ARID1B: variants seen among roughly 807,000 people sequenced by gnomAD.
ARID1B encodes AT-rich interaction domain 1B, also known as AT-rich interactive domain-containing protein 1B.
In ARID1B, 30 loss-of-function variants were observed where a neutral mutation model predicts 212.3. The observed-to-expected ratio is 0.14, with a 90% CI of 0.11 to 0.19. The LOEUF is 0.19. ARID1B is among the 10% of genes least tolerant of loss of function. The pLI is 1.00. For missense variants in ARID1B, 2,891 were observed against 3,204.0 expected (o/e 0.90, Z 2.36); for synonymous variants, 1,402 against 1,301.7 (o/e 1.08, Z -1.66).
intron 2 of ARID1B, among the ~76,000 whole-genome samples, chr6:156,877,523 C>T (rs1786658868): frequency 6.6e-6 from 1 of 152,118 alleles, no homozygotes; most frequent in Non-Finnish European, 1.5e-5. Context: ...ACGTGTCTCC[C>T]TATATTAAAA....
At chr6:156,897,982 A>C (rs1216898326) in intron 2 of ARID1B, among the ~76,000 whole-genome samples, 2 of 152,190 alleles carry the variant, frequency 1.3e-5, no homozygotes, top group Non-Finnish European at 2.9e-5. Context: ...TCTAGTGATG[A>C]GGACAGATAG....
chr6:156,905,250 G>GCGCACACACACACACACACACA lies in ARID1B; in HGVS notation c.2136+3726_2136+3727insGCACACACACACACACACACAC, dbSNP rs1554265935. ...GAATCAATTGTGCTCACATATGCAC[G>GCGCACACACACACACACACACA]CACACACACACACACACACACACAC... On this transcript the variant is annotated intron_variant, in intron 3 of 19. Coordinates refer to ENST00000636930, the MANE Select transcript of ARID1B (RefSeq NM_001374828.1). 2.7e-3 allele frequency among the ~76,000 whole-genome samples: 384 copies of GCGCACACACACACACACACACA among 143,828 alleles called. 2 individuals carry two copies. Among genetic ancestry groups the GCGCACACACACACACACACACA allele is most frequent in the Middle Eastern group, 0.021 (6 of 286 alleles). 94.4% of individuals were successfully genotyped at this position (143,828 alleles called of 152,430 possible). A position where few individuals can be genotyped will look rare whatever the true frequency, so the allele number is the denominator to read the frequency against.
At chr6:156,869,047 G>T (rs1785921642) in intron 2 of ARID1B, among the ~76,000 whole-genome samples, 1 of 151,456 alleles carries the variant, frequency 6.6e-6, no homozygotes, top group South Asian at 2.1e-4. Context: ...AAATGAATTT[G>T]TTTTTTTTGC....
At chr6:157,049,720 A>G (rs989262310) in intron 4 of ARID1B, among the ~76,000 whole-genome samples, 33 of 152,360 alleles carry the variant, frequency 2.2e-4, no homozygotes, top group African/African-American at 7.2e-4. Context: ...TATCTTATCC[A>G]TTAAATATCA....
intron 4 of ARID1B, among the ~76,000 whole-genome samples, chr6:156,963,873 AGCATGAACTAT>A (rs1383104632): frequency 1.3e-5 from 2 of 152,256 alleles, no homozygotes; most frequent in Non-Finnish European, 2.9e-5. Context: ...AATAATCTCT[AGCATGAACTAT>A]GCCCACGTGG....
Position 157,084,644 on chromosome 6 carries a change from C to T in ARID1B, c.2248-18C>T, listed in dbSNP as rs565074663. 1.9e-6 allele frequency: 3 copies of T among 1,612,794 alleles called. No individual in the cohort carries two copies. The highest frequency in any genetic ancestry group is 2.2e-5 in the South Asian group (2 of 90,938). On this transcript the variant is annotated intron_variant, in intron 4 of 19. Coordinates refer to ENST00000636930, the MANE Select transcript of ARID1B (RefSeq NM_001374828.1). Reference sequence around the variant, plus strand: ...ATCCAAACGTGTCACTCTATAAATACATCTTTTCCTTTCTTAGGATCTGTC... The same window carrying T: ...ATCCAAACGTGTCACTCTATAAATATATCTTTTCCTTTCTTAGGATCTGTC...
intron 4 of ARID1B, among the ~76,000 whole-genome samples, chr6:157,014,921 C>T (rs148788847): frequency 6.6e-6 from 1 of 152,050 alleles, no homozygotes; most frequent in African/African-American, 2.4e-5. Flanking sequence ...ATATGCCACT[C>T]TCCATCTTAT....
chr6:157,150,447 A>G (rs1790111040), intron 8 of ARID1B: 2 of 152,708 alleles, frequency 1.3e-5, no homozygotes, highest in Non-Finnish European at 2.9e-5. Context: ...TGGGGGCTGT[A>G]TATCTTCTTG....
chr6:157,036,686 C>CA, intron 4 of ARID1B: 1 of 370,162 alleles, frequency 2.7e-6, no homozygotes, highest in South Asian at 2.2e-5. Flanking sequence ...AAGATACTCA[C>CA]AGATCTCTCT....
intron 6 of ARID1B, among the ~76,000 whole-genome samples, chr6:157,131,795 A>G (rs1249055271): frequency 2.0e-5 from 3 of 152,112 alleles, no homozygotes; most frequent in Non-Finnish European, 4.4e-5. Flanking sequence ...AGTTCAAGCG[A>G]TTCTCCTGCC....
rs746676470 is a variant in ARID1B at position 157,148,926 on chromosome 6, G to T, written c.3064G>T (p.Ala1022Ser). The change falls in exon 8 of 20, where the codon GCT becomes TCT. Residue 1022 changes from alanine to serine, a missense_variant. This residue lies in a region of ARID1B where 1,643 missense variants were observed against 1,544.0 expected (regional missense o/e 1.06). Transcript: ENST00000636930. The surrounding 1 kb of genome is among the most constrained non-coding windows in gnomAD (Gnocchi z 5.6). ...GGAGGCAGCCGCAGCAGTGATGCAG[G>T]CTGCTGCGAACTCAGCACAAAGCAG... Reference protein sequence around the residue: ...AQEAAAAVMQAAANSAQSRQG... With the variant: ...AQEAAAAVMQSAANSAQSRQG... 1.2e-6 allele frequency: 2 copies of T among 1,612,348 alleles called. No homozygotes were observed.
intron 12 of ARID1B, 132 bp from the exon 13 acceptor site, chr6:157,184,099 G>A: frequency 2.7e-6 from 2 of 754,252 alleles, no homozygotes; most frequent in Non-Finnish European, 2.1e-6. Flanking sequence ...ACTGCTGAGT[G>A]GGAGTAATGA....
At chr6:156,817,941 C>T (rs2128003849) in intron 1 of ARID1B, among the ~76,000 whole-genome samples, 2 of 152,188 alleles carry the variant, frequency 1.3e-5, no homozygotes, top group Non-Finnish European at 2.9e-5. Context: ...CACCTCAGTG[C>T]AGTTATCACT....
intron 5 of ARID1B, among the ~76,000 whole-genome samples, chr6:157,103,567 C>T (rs1786238825): frequency 6.6e-6 from 1 of 152,112 alleles, no homozygotes; most frequent in Non-Finnish European, 1.5e-5. Flanking sequence ...TGCTAATTTA[C>T]CAAAATACAC....
At chr6:156,918,054 T>C (rs1474197291) in intron 3 of ARID1B, among the ~76,000 whole-genome samples, 1 of 152,200 alleles carries the variant, frequency 6.6e-6, no homozygotes, top group Non-Finnish European at 1.5e-5. Context: ...AAAATATCCA[T>C]CATAATCCAC....
chr6:157,031,060 G>GTT (rs113662756), intron 4 of ARID1B, among the ~76,000 whole-genome samples: 4 of 146,236 alleles, frequency 2.7e-5, no homozygotes, highest in African/African-American at 1.0e-4. Context: ...CTTATGGTTG[G>GTT]TTTTTTTTTT....
At chr6:156,979,652 G>A (rs1367269092) in intron 4 of ARID1B, among the ~76,000 whole-genome samples, 1 of 151,588 alleles carries the variant, frequency 6.6e-6, no homozygotes, top group East Asian at 2.0e-4. Context: ...CCGCCTCCCA[G>A]GTTCAAGCGA....
Position 156,878,113 on chromosome 6 carries a change from C to G in ARID1B, c.1987-23263C>G, listed in dbSNP as rs568468569. 4.6e-5 allele frequency among the ~76,000 whole-genome samples: 7 copies of G among 152,262 alleles called. No homozygotes were observed. The East Asian group carries it at 9.7e-4, about 21-fold the overall frequency. The stretch of plus-strand genomic sequence containing the variant: ...CAGGCGGTTGCCCTTCCTCATGCCT[C>G]TGCCAGCTGGGCGTCACGTTCTGCC... On this transcript the variant is annotated intron_variant, in intron 2 of 19. Coordinates refer to ENST00000636930, the MANE Select transcript of ARID1B (RefSeq NM_001374828.1).
chr6:156,920,303 A>G (rs1194398559), intron 3 of ARID1B, among the ~76,000 whole-genome samples: 2 of 152,238 alleles, frequency 1.3e-5, no homozygotes, highest in Admixed American at 1.3e-4. Flanking sequence ...TAAAAGTATC[A>G]TCGAGGCTCA....
Sources: gnomAD v4.1 joint callset for allele counts (sites outside exome capture counted in the v4.1 genomes callset) on GRCh38, gnomAD v4.1.1 for gene constraint, gnomAD v4.1.1 regional missense constraint, Gnocchi (gnomAD v3.1) non-coding constraint, MANE v1.5 for transcripts, NCBI Gene and HGNC (gene_info 2026-07-23, HGNC 2026-07-21) for gene names.